Variants in DPH2 observed in about 807,000 individuals in gnomAD.
The protein encoded by DPH2 is diphthamide biosynthesis 2, also known as 2-(3-amino-3-carboxypropyl)histidine synthase subunit 2.
A neutral mutation model predicts 42.5 loss-of-function variants in DPH2; 28 were observed. That is an observed-to-expected ratio of 0.66 (90% confidence interval 0.49 to 0.90). The LOEUF (loss-of-function observed/expected upper bound fraction) is 0.90, where lower values mean the gene tolerates loss of function less well. DPH2 is among the 40% of genes least tolerant of loss of function. The pLI, the probability that DPH2 is intolerant of heterozygous loss-of-function variation, is 0.00. For synonymous variants in DPH2, 279 were observed against 264.4 expected, an observed-to-expected ratio of 1.06 and a Z score of -0.53; for missense variants, 576 against 636.0, an observed-to-expected ratio of 0.91 and a Z score of 1.01.
In DPH2 at chr1:43,971,687, C is replaced by T. The variant is rs551162809; in HGVS notation, c.785C>T (p.Ala262Val). The change falls in exon 4 of 6, where the codon GCC (alanine) becomes GTC (valine). Residue 262 changes from alanine to valine, a missense_variant. Physicochemically the swap from Ala to Val is moderately conservative, Grantham distance 64. Around this residue, in one of 3 missense-constraint regions of DPH2, gnomAD observed 395 missense variants for 435.2 expected, o/e 0.91. Coordinates refer to ENST00000255108, the MANE Select transcript of DPH2 (RefSeq NM_001384.5). ...PDTGKTQDEG[A>V]RAGRLRARRR... The stretch of plus-strand genomic sequence containing the variant: ...ACAGGGAAGACTCAGGATGAGGGTG[C>T]CCGGGCTGGACGGCTAAGGGCACGA... 27 of 1,613,832 alleles carry T rather than the reference C, an allele frequency of 1.7e-5. No individual in the cohort carries two copies. Among genetic ancestry groups the T allele is most frequent in the Admixed American group, 1.2e-4 (7 of 60,030 alleles).
In DPH2 at chr1:43,971,831, C is replaced by T. The variant is rs747993176; in HGVS notation, c.929C>T (p.Ala310Val). 1.1e-5 allele frequency: 18 copies of T among 1,613,358 alleles called. No homozygotes were observed. The highest frequency in any genetic ancestry group is 1.5e-5 in the Non-Finnish European group (18 of 1,180,046). ...CACTTGCGGAACCTGACTCAGGCTGCTGGCAAGCGTAGCTATGTGTTGGCC... is the reference window on the plus strand; with the variant it reads ...CACTTGCGGAACCTGACTCAGGCTGTTGGCAAGCGTAGCTATGTGTTGGCC... Reference protein sequence around the residue: ...LAHLRNLTQAAGKRSYVLALG... With the variant: ...LAHLRNLTQAVGKRSYVLALG... The change falls in exon 4 of 6, where the codon GCT becomes GTT. Residue 310 changes from alanine to valine, a missense_variant. Transcript: ENST00000255108.
chr1:43,971,579 CTGACCCAGACCT>C lies in DPH2; in HGVS notation c.690_701del (p.Asp231_Leu234del), dbSNP rs756442900. ...TATGTAGGGGGCTCTAAGGCCAGCC[CTGACCCAGACCT>C]TGACCCAGACCTGAGTCGGCTGCTC... On this transcript the variant is annotated inframe_deletion, in exon 4 of 6. Coordinates refer to ENST00000255108, the MANE Select transcript of DPH2 (RefSeq NM_001384.5). 3.7e-6 allele frequency: 6 copies of C among 1,614,068 alleles called. No individual in the cohort carries two copies. Among genetic ancestry groups the C allele is most frequent in the Middle Eastern group, 3.3e-4 (2 of 6,062 alleles).
Position 43,972,029 on chromosome 1 carries a change from GC to G in DPH2, c.1129del (p.Leu377TrpfsTer58), listed in dbSNP as rs768415122. The G allele has an allele frequency of 6.2e-7, 1 of 1,614,120 alleles. No individual in the cohort carries two copies. The highest frequency in any genetic ancestry group is 8.5e-7 in the Non-Finnish European group (1 of 1,180,006). The stretch of plus-strand genomic sequence containing the variant: ...TGCAACCCTGCCTGGCCACCTCCAG[GC>G]CTGGCTCCCCACCTCACACATTATG... ...AACNPAWPPP[G>X]LAPHLTHYAD... On this transcript the variant is annotated frameshift_variant, in exon 4 of 6. Coordinates refer to ENST00000255108, the MANE Select transcript of DPH2 (RefSeq NM_001384.5). LOFTEE classifies it high-confidence loss of function.
chr1:43,971,913 G>A lies in DPH2; in HGVS notation c.1011G>A (p.Val337=), dbSNP rs563223824. The A allele has an allele frequency of 1.3e-5, 21 of 1,614,210 alleles. No individual in the cohort carries two copies. Among genetic ancestry groups the A allele is most frequent in the African/African-American group, 9.3e-5 (7 of 75,064 alleles). ...LANFPEVDVF[V]LLACPLGALA... is the part of the protein sequence containing the mutation. Reference sequence around the variant, plus strand: ...ACTTCCCTGAGGTGGATGTCTTTGTGCTATTAGCCTGTCCTCTGGGTGCTC... The same window carrying A: ...ACTTCCCTGAGGTGGATGTCTTTGTACTATTAGCCTGTCCTCTGGGTGCTC... Residue 337 remains valine, a synonymous_variant, in exon 4 of 6, where the codon GTG becomes GTA. Transcript: ENST00000255108.
At position 43,970,158 on chromosome 1, in the gene DPH2, C is replaced by T. The variant is rs1206771415; in HGVS notation, c.-18C>T. 4 of 1,611,438 alleles carry T rather than the reference C, an allele frequency of 2.5e-6. No individual in the cohort carries two copies. Among genetic ancestry groups the T allele is most frequent in the Non-Finnish European group, 3.4e-6 (4 of 1,178,706 alleles). On this transcript the variant is annotated 5_prime_UTR_variant, in exon 1 of 6. Coordinates refer to ENST00000255108, the MANE Select transcript of DPH2 (RefSeq NM_001384.5). ...CCAGGGAGGTCCCCGCTGCATCCCA[C>T]CACCCAAGCTGTGCCTCATGGAGTC...
rs757737025 is a variant in DPH2 at position 43,970,632 on chromosome 1, G to A, written c.184G>A (p.Ala62Thr). The change falls in exon 2 of 6, where the codon GCT becomes ACT. Residue 62 changes from alanine (A) to threonine (T), a missense_variant. Coordinates refer to ENST00000255108, the MANE Select transcript of DPH2 (RefSeq NM_001384.5). ...GTTCCCTGACCAGCTATTGGGAGAT[G>A]CTGTGGCTGTGGCTGCACGACTGGA... ...LQFPDQLLGDAVAVAARLEET... is the reference protein window; with the variant it reads ...LQFPDQLLGDTVAVAARLEET... 1.2e-6 allele frequency: 2 copies of A among 1,614,194 alleles called. No homozygotes were observed. Among genetic ancestry groups the A allele is most frequent in the South Asian group, 2.2e-5 (2 of 91,084 alleles).
rs1244708415 is a variant in DPH2 at position 43,970,162 on chromosome 1, C to G, written c.-14C>G. 1.9e-6 allele frequency: 3 copies of G among 1,612,176 alleles called. No individual in the cohort carries two copies. Among genetic ancestry groups the G allele is most frequent in the African/African-American group, 2.7e-5 (2 of 74,924 alleles). On this transcript the variant is annotated 5_prime_UTR_variant, in exon 1 of 6. Transcript: ENST00000255108. ...GGAGGTCCCCGCTGCATCCCACCAC[C>G]CAAGCTGTGCCTCATGGAGTCGATG...
At chr1:43,970,902 C>A (rs1458021891) in intron 2 of DPH2, 64 bp from the exon 3 acceptor site, 1 of 1,495,272 alleles carries the variant, frequency 6.7e-7, no homozygotes, top group East Asian at 2.4e-5. Context: ...ACCACATTTC[C>A]CAGTGATGAC....
In DPH2 at chr1:43,971,733, G is replaced by A. The variant is rs1471247889; in HGVS notation, c.831G>A (p.Arg277=). The change falls in exon 4 of 6, where the codon AGG becomes AGA. Residue 277 remains arginine (R), a synonymous_variant. Transcript: ENST00000255108. ...LRARRRYLVE[R]ARDARVVGLL... ...CACGAAGACGATATCTGGTAGAGAG[G>A]GCCAGAGATGCCCGCGTGGTAGGGC... 5 of 1,610,976 alleles carry A rather than the reference G, an allele frequency of 3.1e-6. No individual in the cohort carries two copies. Among genetic ancestry groups the A allele is most frequent in the Non-Finnish European group, 3.4e-6 (4 of 1,179,662 alleles).
At chr1:43,970,503 T>C in intron 1 of DPH2, 93 bp from the exon 2 acceptor site, 1 of 1,542,584 alleles carries the variant, frequency 6.5e-7, no homozygotes, top group South Asian at 1.1e-5. Flanking sequence ...GACCAGGGGC[T>C]TTGAAGGTTG....
At chr1:43,970,862 C>A (rs539411300) in intron 2 of DPH2, 104 bp from the exon 3 acceptor site, 2 of 1,362,960 alleles carry the variant, frequency 1.5e-6, no homozygotes, top group Non-Finnish European at 1.0e-6. Context: ...TTGACAATGT[C>A]TTCCTTTAAT....
rs756442900 is a variant in DPH2, at chr1:43,971,579, C to CTGACCCAGACCT, written c.690_701dup (p.Asp231_Leu234dup). The CTGACCCAGACCT allele has an allele frequency of 1.2e-6, 2 of 1,614,070 alleles. No individual in the cohort carries two copies. Among genetic ancestry groups the CTGACCCAGACCT allele is most frequent in the Non-Finnish European group, 1.7e-6 (2 of 1,179,910 alleles). On this transcript the variant is annotated inframe_insertion, in exon 4 of 6. Coordinates refer to ENST00000255108, the MANE Select transcript of DPH2 (RefSeq NM_001384.5). ...TATGTAGGGGGCTCTAAGGCCAGCC[C>CTGACCCAGACCT]TGACCCAGACCTTGACCCAGACCTG...
Position 43,971,322 on chromosome 1 carries a change from C to T in DPH2, c.485-65C>T, listed in dbSNP as rs72890646. Reference sequence around the variant, plus strand: ...CAGCCTACTGGGTCATATTTAGTCTCCTGGGGATGAGGGAGCTCCTGCTTT... The same window carrying T: ...CAGCCTACTGGGTCATATTTAGTCTTCTGGGGATGAGGGAGCTCCTGCTTT... On this transcript the variant is annotated intron_variant, in intron 3 of 5. Transcript: ENST00000255108. 9,773 of 1,534,760 alleles carry T rather than the reference C, an allele frequency of 6.4e-3. 567 individuals are homozygous for T. The African/African-American group carries it at 0.12, about 19-fold the overall frequency.
chr1:43,972,684 A>T lies in DPH2; in HGVS notation c.*145A>T. The stretch of plus-strand genomic sequence containing the variant: ...AGCAGGCAGCCCTTCACAGGATAGG[A>T]TCCGTCTCTGTCCTGTCCTGGCACT... On this transcript the variant is annotated 3_prime_UTR_variant, in exon 6 of 6. Transcript: ENST00000255108. 1 of 1,204,362 alleles carries T rather than the reference A, an allele frequency of 8.3e-7. No individual in the cohort carries two copies. The highest frequency in any genetic ancestry group is 1.2e-6 in the Non-Finnish European group (1 of 859,398). The allele number at this position is 1,204,362 out of a possible 1,614,324, so 74.6% of individuals were successfully genotyped here.
At position 43,970,587 on chromosome 1, in the gene DPH2, T is replaced by C. The variant is rs759091784; in HGVS notation, c.148-9T>C. 7 of 1,614,064 alleles carry C rather than the reference T, an allele frequency of 4.3e-6. No individual in the cohort carries two copies. Among genetic ancestry groups the C allele is most frequent in the Non-Finnish European group, 5.9e-6 (7 of 1,179,916 alleles). ...AGGCTGTCCCTGACTCCATGGTTTA[T>C]GCTTATAGGTTGCCTTGCAGTTCCC... is the stretch of plus-strand genomic sequence containing the variant. On this transcript the variant is annotated splice_polypyrimidine_tract_variant and intron_variant, in intron 1 of 5. Transcript: ENST00000255108.
intron 2 of DPH2, 124 bp downstream of exon 2, chr1:43,970,832 T>A (rs1428512738): frequency 1.5e-6 from 2 of 1,292,202 alleles, no homozygotes; most frequent in Admixed American, 3.5e-5. Flanking sequence ...TGACTCCCCT[T>A]CTGATGCTAG....
chr1:43,970,166 G>C lies in DPH2; in HGVS notation c.-10G>C. The C allele has an allele frequency of 6.2e-7, 1 of 1,612,978 alleles. No individual in the cohort carries two copies. The highest frequency in any genetic ancestry group is 8.5e-7 in the Non-Finnish European group (1 of 1,179,442). On this transcript the variant is annotated 5_prime_UTR_variant, in exon 1 of 6. Transcript: ENST00000255108. ...GTCCCCGCTGCATCCCACCACCCAA[G>C]CTGTGCCTCATGGAGTCGATGTTTA... is the stretch of plus-strand genomic sequence containing the variant.
Position 43,970,179 on chromosome 1 carries a change from G to C in DPH2, c.4G>C (p.Glu2Gln), listed in dbSNP as rs775262625. Reference protein sequence around the residue: MESMFSSPAEAA... With the variant: MQSMFSSPAEAA... ...CCCACCACCCAAGCTGTGCCTCATGGAGTCGATGTTTAGCAGCCCTGCCGA... is the reference window on the plus strand; with the variant it reads ...CCCACCACCCAAGCTGTGCCTCATGCAGTCGATGTTTAGCAGCCCTGCCGA... Residue 2 changes from glutamate (E) to glutamine (Q), a missense_variant, in exon 1 of 6, where the codon GAG becomes CAG. Transcript: ENST00000255108. The C allele has an allele frequency of 6.2e-7, 1 of 1,613,812 alleles. No individual in the cohort carries two copies. Among genetic ancestry groups the C allele is most frequent in the Non-Finnish European group, 8.5e-7 (1 of 1,179,854 alleles).
Position 43,972,236 on chromosome 1 carries a change from A to T in DPH2, c.1247A>T (p.Asp416Val), listed in dbSNP as rs1438170038. ...ETPDVSLITG[D>V]LRPPPAWKSS... is the part of the protein sequence containing the mutation. ...CCAGACGTGTCACTCATTACTGGAG[A>T]TCTCCGACCCCCACCTGCCTGGAAG... The change falls in exon 5 of 6, where the codon GAT (aspartate) becomes GTT (valine). Residue 416 changes from aspartate (D) to valine (V), a missense_variant. Transcript: ENST00000255108. 5.6e-6 allele frequency: 9 copies of T among 1,613,970 alleles called. No homozygotes were observed. The highest frequency in any genetic ancestry group is 6.8e-6 in the Non-Finnish European group (8 of 1,179,982).
Sources: gnomAD v4.1 joint callset for allele counts on GRCh38, gnomAD v4.1.1 for gene constraint, gnomAD v4.1.1 regional missense constraint, MANE v1.5 for transcripts, NCBI Gene and HGNC (gene_info 2026-07-23, HGNC 2026-07-21) for gene names.